FARP1: variants seen among roughly 807,000 people sequenced by gnomAD.
The protein encoded by FARP1 is FERM, ARH/RhoGEF and pleckstrin domain protein 1.
Under a neutral mutation model 128.8 loss-of-function variants are expected in FARP1, and 52 were observed. The ratio of observed to expected loss-of-function variants is 0.40; its 90% CI spans 0.32 to 0.51. The LOEUF (loss-of-function observed/expected upper bound fraction) is 0.51, where lower values mean the gene tolerates loss of function less well. Ranked by LOEUF, FARP1 falls within the 20% of genes least tolerant of loss-of-function variation. FARP1 has a pLI of 0.45. For missense variants in FARP1, 1,333 were observed against 1,367.9 expected, an observed-to-expected ratio of 0.97 and a Z score of 0.40; for synonymous variants, 580 against 551.8, an observed-to-expected ratio of 1.05 and a Z score of -0.72.
At chr13:98,148,549 T>C (rs1875745092) in intron 1 of FARP1, among the ~76,000 whole-genome samples, 1 of 152,194 alleles carries the variant, frequency 6.6e-6, no homozygotes, top group Non-Finnish European at 1.5e-5. Flanking sequence ...ATGGTACTTG[T>C]CTGTAAATTT....
intron 2 of FARP1, among the ~76,000 whole-genome samples, chr13:98,243,985 C>G (rs1047810821): frequency 2.0e-5 from 3 of 152,006 alleles, no homozygotes; most frequent in African/African-American, 7.2e-5. Context: ...AGTTTTCTCC[C>G]CTGAGCATCT....
At chr13:98,270,710 T>C (rs1168031278) in intron 2 of FARP1, among the ~76,000 whole-genome samples, 2 of 152,232 alleles carry the variant, frequency 1.3e-5, no homozygotes, top group African/African-American at 4.8e-5. Context: ...TAACTCATCC[T>C]GCACATGGCT....
intron 13 of FARP1, chr13:98,396,558 C>A (rs1362652341): frequency 7.5e-6 from 3 of 398,730 alleles, no homozygotes; most frequent in Non-Finnish European, 1.3e-5. Context: ...CCCTAAAGAT[C>A]ATCTGTTCTA....
chr13:98,241,516 A>G (rs1432049414), intron 2 of FARP1, among the ~76,000 whole-genome samples: 2 of 152,298 alleles, frequency 1.3e-5, no homozygotes, highest in South Asian at 2.1e-4. Flanking sequence ...ATGGTGGCTC[A>G]TGCCTGTAAT....
chr13:98,437,727 T>C, intron 19 of FARP1: 1 of 998,450 alleles, frequency 1.0e-6, no homozygotes. Flanking sequence ...CTGTATAGCT[T>C]CTCCGCTTTG....
chr13:98,407,950 A>T (rs560769659), intron 13 of FARP1, among the ~76,000 whole-genome samples: 12 of 152,200 alleles, frequency 7.9e-5, no homozygotes, highest in African/African-American at 2.9e-4. Context: ...AGAACAGATG[A>T]CAGGAAAATG....
intron 2 of FARP1, among the ~76,000 whole-genome samples, chr13:98,246,905 G>A (rs1027226742): frequency 3.3e-5 from 5 of 152,198 alleles, no homozygotes; most frequent in African/African-American, 1.2e-4. Flanking sequence ...ACAGAACCGA[G>A]GGCTGGAACT....
At chr13:98,360,630 C>G (rs1888833499) in intron 3 of FARP1, among the ~76,000 whole-genome samples, 1 of 152,224 alleles carries the variant, frequency 6.6e-6, no homozygotes, top group South Asian at 2.1e-4. Flanking sequence ...TTTAGGCCAT[C>G]CAGTCTGTGG....
rs75021541 is a variant in FARP1, at chr13:98,442,550, A to C, written c.2796+1714A>C. On this transcript the variant is annotated intron_variant, in intron 24 of 26. Transcript: ENST00000319562. Reference sequence around the variant, plus strand: ...GGGTTCCCCTGAGTGTGCAGGTGTGAATATTCCCTCCCCGGGCCTCCTGAC... The same window carrying C: ...GGGTTCCCCTGAGTGTGCAGGTGTGCATATTCCCTCCCCGGGCCTCCTGAC... Among the ~76,000 whole-genome samples, 1,006 of 152,282 alleles carry C rather than the reference A, an allele frequency of 6.6e-3. 6 individuals are homozygous for C. The highest frequency in any genetic ancestry group is 0.023 in the African/African-American group (960 of 41,556).
At chr13:98,411,817 T>G (rs1891203324) in intron 15 of FARP1, 84 bp from the exon 16 acceptor site, 1 of 1,467,904 alleles carries the variant, frequency 6.8e-7, no homozygotes, top group Non-Finnish European at 9.3e-7. Flanking sequence ...CCAGTGCATT[T>G]GGCTGCATGT....
At chr13:98,244,545 G>A (rs780333494) in intron 2 of FARP1, 2 of 1,614,174 alleles carry the variant, frequency 1.2e-6, no homozygotes, top group Non-Finnish European at 1.7e-6. Context: ...GACGGGTTGG[G>A]TACTGAGATG....
At chr13:98,209,466 G>A (rs1880519148) in intron 1 of FARP1, among the ~76,000 whole-genome samples, 1 of 132,372 alleles carries the variant, frequency 7.6e-6, no homozygotes, top group South Asian at 2.6e-4. Context: ...TATCTGGGGA[G>A]GAAAGATTTT....
chr13:98,171,275 T>A (rs1877633919), intron 1 of FARP1, among the ~76,000 whole-genome samples: 1 of 152,154 alleles, frequency 6.6e-6, no homozygotes, highest in Non-Finnish European at 1.5e-5. Flanking sequence ...GTAATAAACT[T>A]CTTTGGGGTT....
chr13:98,286,675 G>A (rs1885185432), intron 2 of FARP1, among the ~76,000 whole-genome samples: 1 of 152,048 alleles, frequency 6.6e-6, no homozygotes, highest in Admixed American at 6.5e-5. Context: ...CGTGAAAATG[G>A]ACTAAAACAC....
intron 2 of FARP1, among the ~76,000 whole-genome samples, chr13:98,251,939 C>G (rs949629708): frequency 4.6e-5 from 7 of 152,178 alleles, no homozygotes; most frequent in African/African-American, 1.7e-4. Context: ...TCTCCGCCTC[C>G]TGGGTCCAAG....
chr13:98,233,904 G>T lies in FARP1; in HGVS notation c.171+20491G>T, dbSNP rs140257836. 2.6e-5 allele frequency: 4 copies of T among 152,274 alleles called. No homozygotes were observed. In the East Asian group the frequency reaches 7.7e-4, roughly 29 times the overall value. 9.4% of individuals were successfully genotyped at this position (152,274 alleles called of 1,614,324 possible). ...TCCATTCCGCAAGGACTCGCTTCAT[G>T]TATTTCCTTTACAAGTCAGAAATGG... On this transcript the variant is annotated intron_variant, in intron 2 of 26. Coordinates refer to ENST00000319562, the MANE Select transcript of FARP1 (RefSeq NM_005766.4).
intron 3 of FARP1, among the ~76,000 whole-genome samples, chr13:98,352,444 A>G (rs1888475878): frequency 1.3e-5 from 2 of 152,154 alleles, no homozygotes; most frequent in Admixed American, 1.3e-4. Flanking sequence ...GGGAGCCCAT[A>G]TGGAACTGAG....
chr13:98,265,164 G>A (rs1281483448), intron 2 of FARP1, among the ~76,000 whole-genome samples: 1 of 152,158 alleles, frequency 6.6e-6, no homozygotes, highest in Non-Finnish European at 1.5e-5. Context: ...TGTGAAGGTG[G>A]TATTAATGAG....
intron 2 of FARP1, among the ~76,000 whole-genome samples, chr13:98,256,287 G>A (rs2139513447): frequency 6.6e-6 from 1 of 152,236 alleles, no homozygotes; most frequent in South Asian, 2.1e-4. Context: ...TAAAATTCGA[G>A]GTTTTTAAAA....
Sources: gnomAD v4.1 joint callset for allele counts (sites outside exome capture counted in the v4.1 genomes callset) on GRCh38, gnomAD v4.1.1 for gene constraint, MANE v1.5 for transcripts, NCBI Gene and HGNC (gene_info 2026-07-23, HGNC 2026-07-21) for gene names.